Variants in RLN2 observed in about 807,000 individuals in gnomAD.
RLN2 encodes relaxin 2, also known as prorelaxin H2.
RLN2 carries 10 observed loss-of-function variants against 7.3 expected under a neutral mutation model. The ratio of observed to expected loss-of-function variants is 1.36; its 90% CI spans 0.84 to 2.31. The LOEUF is 2.31. Among genes scored for constraint, RLN2 ranks in the 30% most tolerant of loss-of-function variants. The pLI, the probability that RLN2 is intolerant of heterozygous loss-of-function variation, is 0.00. For missense variants in RLN2, 298 were observed against 217.6 expected, an observed-to-expected ratio of 1.37 and a Z score of -2.32; for synonymous variants, 103 against 82.3, an observed-to-expected ratio of 1.25 and a Z score of -1.36.
chr9:5,309,796 T>A, the RLN2 span, among the ~76,000 whole-genome samples: 2 of 151,914 alleles, frequency 1.3e-5, no homozygotes, highest in South Asian at 2.1e-4. Context: ...CACATCTGGG[T>A]TGAAGGAAAT....
the RLN2 span, among the ~76,000 whole-genome samples, chr9:5,321,936 T>C: frequency 1.3e-5 from 2 of 152,038 alleles, no homozygotes; most frequent in East Asian, 3.9e-4. Flanking sequence ...CTGAGAACGA[T>C]GGTCACTTTC....
chr9:5,327,706 G>A, the RLN2 span, among the ~76,000 whole-genome samples: 16 of 151,992 alleles, frequency 1.1e-4, no homozygotes, highest in Non-Finnish European at 2.4e-4. Context: ...GAAGCTTCCA[G>A]AGGAAAGATC....
In RLN2 at chr9:5,300,061, G is replaced by A. The variant is rs748073881; in HGVS notation, c.*37C>T. On this transcript the variant is annotated 3_prime_UTR_variant, in exon 2 of 2. Transcript: ENST00000381627. The stretch of plus-strand genomic sequence containing the variant: ...CAGTGAAATGTCATTAAGAATATGT[G>A]TGAATATTATACGAGATGTGCACAA... 6.2e-6 allele frequency: 8 copies of A among 1,284,806 alleles called. 1 individual carries two copies. Among genetic ancestry groups the A allele is most frequent in the Middle Eastern group, 1.9e-4 (1 of 5,266 alleles). 79.6% of individuals were successfully genotyped at this position (1,284,806 alleles called of 1,614,324 possible). A position where few individuals can be genotyped will look rare whatever the true frequency, so the allele number is the denominator to read the frequency against.
chr9:5,318,210 A>G, the RLN2 span, among the ~76,000 whole-genome samples: 1 of 152,000 alleles, frequency 6.6e-6, no homozygotes, highest in Non-Finnish European at 1.5e-5. Flanking sequence ...GCAACATTAT[A>G]ATAAGATGAC....
chr9:5,334,204 C>T, the RLN2 span, among the ~76,000 whole-genome samples: 3 of 152,014 alleles, frequency 2.0e-5, no homozygotes, highest in Admixed American at 6.6e-5. Flanking sequence ...AAAGGGTATT[C>T]GAATAGGAAG....
the RLN2 span, among the ~76,000 whole-genome samples, chr9:5,317,451 TAA>T: frequency 1.4e-5 from 2 of 141,770 alleles, no homozygotes; most frequent in Non-Finnish European, 1.5e-5. Flanking sequence ...GACTCTGTCT[TAA>T]AAAAAAAAAA....
chr9:5,319,273 C>T, the RLN2 span, among the ~76,000 whole-genome samples: 5 of 151,982 alleles, frequency 3.3e-5, 1 homozygote, highest in African/African-American at 9.7e-5. Context: ...GCCTACATGA[C>T]TTCCTGATGA....
chr9:5,326,226 T>G, the RLN2 span, among the ~76,000 whole-genome samples: 3 of 152,074 alleles, frequency 2.0e-5, no homozygotes. Context: ...AACATACCAT[T>G]ATTTTGTTTG....
chr9:5,321,609 G>A, the RLN2 span, among the ~76,000 whole-genome samples: 2 of 151,896 alleles, frequency 1.3e-5, no homozygotes, highest in African/African-American at 2.4e-5. Context: ...AAGGAGGGAT[G>A]GAGGGAAGGG....
At chr9:5,318,839 T>C in the RLN2 span, among the ~76,000 whole-genome samples, 1 of 152,068 alleles carries the variant, frequency 6.6e-6, no homozygotes, top group Admixed American at 6.6e-5. Context: ...TGATTTAAAG[T>C]TGAGCTACTA....
chr9:5,318,075 T>C, the RLN2 span, among the ~76,000 whole-genome samples: 11 of 151,642 alleles, frequency 7.3e-5, no homozygotes, highest in South Asian at 2.1e-4. Context: ...TTTCGCCACA[T>C]TGGCCAGGCT....
the RLN2 span, among the ~76,000 whole-genome samples, chr9:5,324,917 C>T: frequency 6.6e-6 from 1 of 151,866 alleles, no homozygotes; most frequent in Non-Finnish European, 1.5e-5. Context: ...TGATGTAATT[C>T]CAACGTAATT....
At chr9:5,307,099 G>T (rs1047033891), upstream of RLN2, among the ~76,000 whole-genome samples, 1 of 152,032 alleles carries the variant, frequency 6.6e-6, no homozygotes, top group Non-Finnish European at 1.5e-5. Flanking sequence ...AGACACAGCT[G>T]CCTGGGAGGG....
At chr9:5,302,218 C>T (rs114879412) in intron 1 of RLN2, among the ~76,000 whole-genome samples, 357 of 152,218 alleles carry the variant, frequency 2.3e-3, no homozygotes, top group African/African-American at 8.2e-3. Flanking sequence ...TCCATAACAC[C>T]TTTAGCTATG....
At chr9:5,304,882 T>G (rs1448347157), upstream of RLN2, 2 of 377,834 alleles carry the variant, frequency 5.3e-6, no homozygotes, top group Non-Finnish European at 9.7e-6. Flanking sequence ...GTTCTTCTCA[T>G]TCATTACCCT....
chr9:5,313,631 T>C, the RLN2 span, among the ~76,000 whole-genome samples: 4 of 152,198 alleles, frequency 2.6e-5, no homozygotes, highest in South Asian at 6.2e-4. Context: ...CATTGTGAAA[T>C]GATCAAATCA....
At chr9:5,306,430 C>T (rs960925455), upstream of RLN2, among the ~76,000 whole-genome samples, 1 of 151,898 alleles carries the variant, frequency 6.6e-6, no homozygotes, top group African/African-American at 2.4e-5. Context: ...GTCCTTAAAA[C>T]TGTCCAGTAC....
the RLN2 span, among the ~76,000 whole-genome samples, chr9:5,311,067 A>T: frequency 1.3e-5 from 2 of 152,056 alleles, no homozygotes; most frequent in African/African-American, 4.8e-5. Context: ...CCATGAGCTC[A>T]TCTGGCTGGA....
chr9:5,299,931 C>A lies in RLN2; in HGVS notation c.*167G>T. ...TTTCTTACACATCAAATAAAAAAAT[C>A]TAAACATCAACAAAGATGTTTAGAT... is the stretch of plus-strand genomic sequence containing the variant. On this transcript the variant is annotated 3_prime_UTR_variant, in exon 2 of 2. Coordinates refer to ENST00000381627, the MANE Select transcript of RLN2 (RefSeq NM_134441.3). 2.2e-6 allele frequency: 1 copy of A among 445,460 alleles called. No homozygotes were observed. Among genetic ancestry groups the A allele is most frequent in the Non-Finnish European group, 3.9e-6 (1 of 255,734 alleles). 27.6% of individuals were successfully genotyped at this position (445,460 alleles called of 1,614,324 possible). A position where few individuals can be genotyped will look rare whatever the true frequency, so the allele number is the denominator to read the frequency against.
Sources: allele counts gnomAD v4.1 joint callset (sites outside exome capture counted in the v4.1 genomes callset), GRCh38; gene constraint gnomAD v4.1.1; transcripts MANE v1.5; gene names NCBI Gene and HGNC (gene_info 2026-07-23, HGNC 2026-07-21).